The following HTT-AS variants were observed in gnomAD, a reference collection of about 807,000 sequenced individuals.
HTT-AS encodes the protein HTT antisense RNA.
intron 1 of HTT-AS, among the ~76,000 whole-genome samples, chr4:3,073,768 C>A (rs919496231): frequency 6.6e-6 from 1 of 152,198 alleles, no homozygotes; most frequent in South Asian, 2.1e-4. Flanking sequence ...GTGCCGACCA[C>A]GCGCATTCTC....
exon 3 of HTT-AS, among the ~76,000 whole-genome samples, chr4:3,049,223 A>T (rs1204110743): frequency 6.6e-6 from 1 of 152,180 alleles, no homozygotes; most frequent in East Asian, 1.9e-4. Context: ...TAGAAGTTCA[A>T]AACCAGCCTG....
chr4:3,073,585 T>A (rs114562181), intron 1 of HTT-AS, among the ~76,000 whole-genome samples: 2,554 of 152,314 alleles, frequency 0.017, 75 homozygotes, highest in African/African-American at 0.058. Flanking sequence ...CTAATCACAG[T>A]GCCTCTGTGG....
At chr4:3,056,035 C>A (rs61791250) in intron 2 of HTT-AS, among the ~76,000 whole-genome samples, 6,407 of 152,222 alleles carry the variant, frequency 0.042, 200 homozygotes, top group South Asian at 0.079. Flanking sequence ...CTGTGGATCT[C>A]CAAAATCCAA....
intron 1 of HTT-AS, among the ~76,000 whole-genome samples, chr4:3,072,692 A>C (rs1228383189): frequency 1.3e-5 from 2 of 152,084 alleles, no homozygotes; most frequent in Non-Finnish European, 2.9e-5. Context: ...GTGCAATGGC[A>C]TGATCTTGGC....
At chr4:3,057,629 T>G (rs1009563964) in intron 2 of HTT-AS, among the ~76,000 whole-genome samples, 4 of 152,106 alleles carry the variant, frequency 2.6e-5, no homozygotes, top group African/African-American at 9.7e-5. Flanking sequence ...TATGGTTATT[T>G]CTTTTTATTT....
chr4:3,061,858 T>C (rs1283629194), intron 2 of HTT-AS, among the ~76,000 whole-genome samples: 1 of 151,100 alleles, frequency 6.6e-6, no homozygotes, highest in Non-Finnish European at 1.5e-5. Context: ...GGCGAGCACC[T>C]GTAGTCCCAG....
chr4:3,048,300 G>T (rs146589826), downstream of HTT-AS, among the ~76,000 whole-genome samples: 1 of 152,184 alleles, frequency 6.6e-6, no homozygotes, highest in South Asian at 2.1e-4. Context: ...GTCTCAGCAC[G>T]TCATTCATAG....
intron 1 of HTT-AS, chr4:3,070,295 T>TG: frequency 1.1e-5 from 1 of 95,150 alleles, no homozygotes; most frequent in East Asian, 2.0e-4. Context: ...TCTCTCGCTC[T>TG]TTTTTTTTTT....
At chr4:3,057,656 G>A (rs1365703638) in intron 2 of HTT-AS, among the ~76,000 whole-genome samples, 1 of 152,042 alleles carries the variant, frequency 6.6e-6, no homozygotes, top group African/African-American at 2.4e-5. Flanking sequence ...TTATTTTTGA[G>A]ACAGAGTCTC....
intron 1 of HTT-AS, among the ~76,000 whole-genome samples, chr4:3,068,937 G>A (rs1712110541): frequency 6.6e-6 from 1 of 152,018 alleles, no homozygotes; most frequent in African/African-American, 2.4e-5. Flanking sequence ...TTACAGGCGC[G>A]AGCCACTGCA....
intron 2 of HTT-AS, among the ~76,000 whole-genome samples, chr4:3,059,140 A>G (rs1711866763): frequency 6.6e-6 from 1 of 152,180 alleles, no homozygotes; most frequent in African/African-American, 2.4e-5. Flanking sequence ...TGAAAACCTA[A>G]CTTAGCAGTA....
At chr4:3,054,745 C>T (rs561152819) in intron 2 of HTT-AS, among the ~76,000 whole-genome samples, 78 of 150,666 alleles carry the variant, frequency 5.2e-4, no homozygotes, top group Non-Finnish European at 9.6e-4. Flanking sequence ...GATGGAGTCT[C>T]GCTCTGTCAC....
chr4:3,059,271 C>T (rs1241238896), intron 2 of HTT-AS, among the ~76,000 whole-genome samples: 2 of 152,158 alleles, frequency 1.3e-5, no homozygotes, highest in Admixed American at 6.5e-5. Flanking sequence ...GTTAACGTGC[C>T]TCACTTCTGC....
chr4:3,053,815 A>G (rs186123326), intron 2 of HTT-AS, among the ~76,000 whole-genome samples: 10 of 149,768 alleles, frequency 6.7e-5, no homozygotes, highest in Admixed American at 5.3e-4. Flanking sequence ...CTGGAGTCCA[A>G]TGGCGTGATC....
At chr4:3,070,609 A>G (rs1466136065) in intron 1 of HTT-AS, among the ~76,000 whole-genome samples, 1 of 152,038 alleles carries the variant, frequency 6.6e-6, no homozygotes, top group East Asian at 1.9e-4. Context: ...GTGTATGTGT[A>G]CGCTGTTTTT....
intron 2 of HTT-AS, among the ~76,000 whole-genome samples, chr4:3,061,906 G>C (rs541420535): frequency 6.7e-6 from 1 of 148,602 alleles, no homozygotes; most frequent in South Asian, 2.2e-4. Context: ...GGCGTGAACC[G>C]GGGAGGCGGA....
intron 2 of HTT-AS, among the ~76,000 whole-genome samples, chr4:3,052,910 C>T (rs1711733836): frequency 1.3e-5 from 2 of 152,168 alleles, no homozygotes; most frequent in East Asian, 1.9e-4. Flanking sequence ...GCAGAAGAAT[C>T]GCTTTAACCC....
chr4:3,053,364 C>T (rs1450764593), intron 2 of HTT-AS, among the ~76,000 whole-genome samples: 1 of 152,162 alleles, frequency 6.6e-6, no homozygotes, highest in African/African-American at 2.4e-5. Context: ...GAAACCCCGT[C>T]TCCACTAAAA....
chr4:3,070,353 C>T (rs1425993030), intron 1 of HTT-AS, among the ~76,000 whole-genome samples: 1 of 151,010 alleles, frequency 6.6e-6, no homozygotes, highest in African/African-American at 2.4e-5. Flanking sequence ...TGCAGTGGCT[C>T]GATCTCAGCT....
Sources: allele counts gnomAD v4.1 joint callset (sites outside exome capture counted in the v4.1 genomes callset), GRCh38; gene constraint gnomAD v4.1.1; transcripts MANE v1.5; gene names NCBI Gene and HGNC (gene_info 2026-07-23, HGNC 2026-07-21).